The following EYA4 variants were observed in gnomAD, a reference collection of about 807,000 sequenced individuals.
EYA4 encodes protein phosphatase EYA4.
A neutral mutation model predicts 87.9 loss-of-function variants in EYA4; 31 were observed. The observed-to-expected ratio is 0.35, with a 90% CI of 0.27 to 0.48. The LOEUF (loss-of-function observed/expected upper bound fraction) is 0.48, where lower values mean the gene tolerates loss of function less well. EYA4 is among the 20% of genes least tolerant of loss of function. The pLI, the probability that EYA4 is intolerant of heterozygous loss-of-function variation, is 0.99. For missense variants in EYA4, 678 were observed against 761.4 expected, an observed-to-expected ratio of 0.89 and a Z score of 1.29; for synonymous variants, 263 against 270.6, an observed-to-expected ratio of 0.97 and a Z score of 0.28.
intron 2 of EYA4, among the ~76,000 whole-genome samples, chr6:133,283,293 CAAT>C (rs1231422715): frequency 4.0e-5 from 6 of 150,472 alleles, no homozygotes; most frequent in South Asian, 4.3e-4. Context: ...GATTCTGTCT[CAAT>C]AATAATAATA....
At chr6:133,368,313 A>T (rs1785007779) in intron 2 of EYA4, among the ~76,000 whole-genome samples, 1 of 152,154 alleles carries the variant, frequency 6.6e-6, no homozygotes, top group Non-Finnish European at 1.5e-5. Flanking sequence ...AGGGAAGAAA[A>T]TTACAATCCA....
intron 10 of EYA4, among the ~76,000 whole-genome samples, chr6:133,466,117 C>T (rs191081649): frequency 2.6e-4 from 40 of 151,956 alleles, no homozygotes; most frequent in Non-Finnish European, 5.0e-4. Flanking sequence ...GGATTCAGTC[C>T]TCCGAAAGAA....
chr6:133,283,389 A>G (rs1777784672), intron 2 of EYA4, among the ~76,000 whole-genome samples: 1 of 152,164 alleles, frequency 6.6e-6, no homozygotes, highest in South Asian at 2.1e-4. Context: ...AGAAATAGAA[A>G]ACATTAATAA....
At chr6:133,493,539 A>G (rs1357242083) in intron 13 of EYA4, among the ~76,000 whole-genome samples, 1 of 152,206 alleles carries the variant, frequency 6.6e-6, no homozygotes, top group East Asian at 1.9e-4. Context: ...GACTAGGGAA[A>G]GATTTCTTGA....
chr6:133,394,570 GAAA>G (rs887066431), intron 3 of EYA4, among the ~76,000 whole-genome samples: 1 of 144,730 alleles, frequency 6.9e-6, no homozygotes, highest in Non-Finnish European at 1.5e-5. Flanking sequence ...ATTACAGAGA[GAAA>G]AAAAAAAGCC....
chr6:133,260,469 C>T (rs1260245333), intron 1 of EYA4, among the ~76,000 whole-genome samples: 2 of 152,148 alleles, frequency 1.3e-5, no homozygotes, highest in Admixed American at 6.5e-5. Context: ...AACTCCTGAC[C>T]TCAAGTGATC....
intron 3 of EYA4, among the ~76,000 whole-genome samples, chr6:133,445,577 CTTTT>C (rs1000098998): frequency 7.1e-6 from 1 of 141,656 alleles, no homozygotes; most frequent in Non-Finnish European, 1.6e-5. Flanking sequence ...TTTCCTTTTT[CTTTT>C]TTTTTTTTTT....
At chr6:133,316,238 T>C (rs1340238250) in intron 2 of EYA4, among the ~76,000 whole-genome samples, 1 of 152,166 alleles carries the variant, frequency 6.6e-6, no homozygotes, top group East Asian at 1.9e-4. Flanking sequence ...AGAGATTTCT[T>C]TGATATTATA....
intron 2 of EYA4, among the ~76,000 whole-genome samples, chr6:133,333,023 A>G (rs1269396722): frequency 3.3e-5 from 5 of 152,024 alleles, no homozygotes; most frequent in Non-Finnish European, 5.9e-5. Context: ...CCAGTTTGTT[A>G]TATTCTCTCA....
rs1798687049 is a variant in EYA4, at chr6:133,506,964, T to C, written c.1281+769T>C. ...GGCAGAAGTACTTCTCAGTCAAGCA[T>C]AACTATGCTGAAATAGAGATTTCTC... On this transcript the variant is annotated intron_variant, in intron 14 of 19. Transcript: ENST00000355286. Among the ~76,000 whole-genome samples, 7 of 152,204 alleles carry C rather than the reference T, an allele frequency of 4.6e-5. 1 individual carries two copies. Among genetic ancestry groups the C allele is most frequent in the Admixed American group, 4.6e-4 (7 of 15,282 alleles).
intron 11 of EYA4, among the ~76,000 whole-genome samples, chr6:133,476,576 A>G (rs934716520): frequency 6.6e-6 from 1 of 152,108 alleles, no homozygotes; most frequent in Non-Finnish European, 1.5e-5. Context: ...GTCTCAAATG[A>G]CAGGATTTTC....
intron 5 of EYA4, among the ~76,000 whole-genome samples, chr6:133,453,897 A>T (rs1191973141): frequency 6.6e-6 from 1 of 152,104 alleles, no homozygotes; most frequent in Non-Finnish European, 1.5e-5. Context: ...CTTTGACTAA[A>T]AGCAAACCTT....
intron 2 of EYA4, among the ~76,000 whole-genome samples, chr6:133,300,526 T>C (rs948549818): frequency 1.3e-5 from 2 of 152,072 alleles, no homozygotes; most frequent in Non-Finnish European, 1.5e-5. Context: ...TTATTATTAT[T>C]ATTATTAGAG....
intron 3 of EYA4, among the ~76,000 whole-genome samples, chr6:133,382,687 A>G (rs1786328062): frequency 6.6e-6 from 1 of 151,886 alleles, no homozygotes; most frequent in African/African-American, 2.4e-5. Context: ...GTGAAAAAAA[A>G]TCCCTTGGCA....
intron 13 of EYA4, among the ~76,000 whole-genome samples, chr6:133,500,249 C>T (rs1466841364): frequency 6.6e-6 from 1 of 151,892 alleles, no homozygotes; most frequent in East Asian, 1.9e-4. Context: ...TGGGGTGTGG[C>T]CCGAGCAACA....
intron 13 of EYA4, among the ~76,000 whole-genome samples, chr6:133,486,134 T>C (rs1796662567): frequency 6.6e-6 from 1 of 152,230 alleles, no homozygotes; most frequent in Non-Finnish European, 1.5e-5. Flanking sequence ...TTTTAGGCTA[T>C]ATTTTTTTTA....
chr6:133,321,262 A>G (rs1325889260), intron 2 of EYA4, among the ~76,000 whole-genome samples: 5 of 152,124 alleles, frequency 3.3e-5, no homozygotes, highest in African/African-American at 1.2e-4. Context: ...AATCCTATGT[A>G]GGACAAATAA....
At position 133,512,765 on chromosome 6, in the gene EYA4, T is replaced by C. The variant is rs755879809; in HGVS notation, c.1326T>C (p.Asn442=). ...VHIDDVSSDD[N]GQDLSTYSFA... is the part of the protein sequence containing the mutation. ...TAGATGATGTTTCCTCTGATGATAA[T>C]GGGCAGGACTTAAGGTAAGCTATGC... Residue 442 remains asparagine, a synonymous_variant, in exon 15 of 20, where the codon AAT becomes AAC. Transcript: ENST00000355286. The C allele has an allele frequency of 1.9e-6, 3 of 1,613,328 alleles. No homozygotes were observed. Among genetic ancestry groups the C allele is most frequent in the Non-Finnish European group, 2.5e-6 (3 of 1,179,204 alleles).
chr6:133,298,832 T>C (rs1779141080), intron 2 of EYA4, among the ~76,000 whole-genome samples: 1 of 152,224 alleles, frequency 6.6e-6, no homozygotes, highest in South Asian at 2.1e-4. Flanking sequence ...AATAATTTCA[T>C]GCGGTTCATC....
Sources: allele counts gnomAD v4.1 joint callset (sites outside exome capture counted in the v4.1 genomes callset), GRCh38; gene constraint gnomAD v4.1.1; transcripts MANE v1.5; gene names NCBI Gene and HGNC (gene_info 2026-07-23, HGNC 2026-07-21).